Variants in PLCD3 observed in about 807,000 individuals in gnomAD.
PLCD3 encodes 1-phosphatidylinositol 4,5-bisphosphate phosphodiesterase delta-3.
In PLCD3, 62 loss-of-function variants were observed where a neutral mutation model predicts 82.8. The observed-to-expected ratio is 0.75, with a 90% CI of 0.61 to 0.93. The LOEUF (loss-of-function observed/expected upper bound fraction) is 0.93, where lower values mean the gene tolerates loss of function less well. Among genes scored for constraint, PLCD3 ranks in the 40% least tolerant of loss-of-function variants. The pLI is 0.00. For synonymous variants in PLCD3, 478 were observed against 471.8 expected (o/e 1.01, Z -0.17); for missense variants, 1,023 against 1,103.4 (o/e 0.93, Z 1.03).
At chr17:45,120,720 T>G (rs959237050) in intron 3 of PLCD3, among the ~76,000 whole-genome samples, 182 bp downstream of exon 3, 1 of 152,104 alleles carries the variant, frequency 6.6e-6, no homozygotes, top group Non-Finnish European at 1.5e-5. Flanking sequence ...GGTGGGAGCT[T>G]GGGCCTAGCC....
Position 45,132,491 on chromosome 17 carries a change from G to A in PLCD3, c.-81C>T. Reference sequence around the variant, plus strand: ...GGGGCGCCGCTCTGGCCCGGCCCCGGCTCTGAGCGAGGCGGCGAGCGAAGA... The same window carrying A: ...GGGGCGCCGCTCTGGCCCGGCCCCGACTCTGAGCGAGGCGGCGAGCGAAGA... On this transcript the variant is annotated 5_prime_UTR_variant, in exon 1 of 15. Transcript: ENST00000619929. The surrounding 1 kb of genome is among the most constrained non-coding windows in gnomAD (Gnocchi z 4.6). The A allele has an allele frequency of 2.1e-6, 2 of 930,944 alleles. No homozygotes were observed. The highest frequency in any genetic ancestry group is 3.5e-5 in the African/African-American group (2 of 57,084). 57.7% of individuals were successfully genotyped at this position (930,944 alleles called of 1,614,324 possible).
chr17:45,119,139 G>A, intron 4 of PLCD3, 96 bp from the exon 5 acceptor site: 2 of 917,472 alleles, frequency 2.2e-6, no homozygotes, highest in South Asian at 1.7e-5. Flanking sequence ...AGAAGGCAAT[G>A]GTCCCCATTT....
chr17:45,125,512 C>T (rs1257952189), intron 1 of PLCD3, among the ~76,000 whole-genome samples: 1 of 152,236 alleles, frequency 6.6e-6, no homozygotes, highest in Non-Finnish European at 1.5e-5. Context: ...CAGGAGAATG[C>T]TTGAACCCGG....
At chr17:45,123,234 C>T (rs1399443990) in intron 1 of PLCD3, among the ~76,000 whole-genome samples, 1 of 152,182 alleles carries the variant, frequency 6.6e-6, no homozygotes, top group African/African-American at 2.4e-5. Flanking sequence ...CCTTCTCTTC[C>T]TCCTATCTGA....
chr17:45,118,539 A>G lies in PLCD3; in HGVS notation c.914-47T>C, dbSNP rs1464085291. 1.9e-6 allele frequency: 3 copies of G among 1,601,576 alleles called. No homozygotes were observed. The highest frequency in any genetic ancestry group is 1.1e-5 in the South Asian group (1 of 90,016). On this transcript the variant is annotated intron_variant, in intron 5 of 14. Transcript: ENST00000619929. The surrounding 1 kb of genome is among the most constrained non-coding windows in gnomAD (Gnocchi z 4.1). ...GCATCAGGCCACATAGGGATCCCCC[A>G]TGTCCAGCTTCCAATGCCCCCAAGG...
intron 1 of PLCD3, among the ~76,000 whole-genome samples, chr17:45,127,817 A>AGTGTGTGT (rs10665297): frequency 3.3e-5 from 5 of 150,872 alleles, no homozygotes; most frequent in Non-Finnish European, 7.4e-5. Flanking sequence ...TGTGCGTGTG[A>AGTGTGTGT]GTGTGTGTGT....
chr17:45,118,042 C>T lies in PLCD3; in HGVS notation c.1212G>A (p.Lys404=). 6.2e-7 allele frequency: 1 copy of T among 1,613,764 alleles called. No homozygotes were observed. The highest frequency in any genetic ancestry group is 8.5e-7 in the Non-Finnish European group (1 of 1,179,822). ...CTTGGACCACGTCCCGGAAGAGAAT[C>T]TTGGAGGTGAGGGTATGGCCATGAT... is the stretch of plus-strand genomic sequence containing the variant. The part of the protein sequence containing the change: ...VIYHGHTLTS[K]ILFRDVVQAV... Residue 404 remains lysine, a synonymous_variant, in exon 7 of 15, where the codon AAG becomes AAA. Coordinates refer to ENST00000619929, the MANE Select transcript of PLCD3 (RefSeq NM_133373.5). The surrounding 1 kb of genome is among the most constrained non-coding windows in gnomAD (Gnocchi z 4.1).
At chr17:45,129,780 A>AG (rs1259036603) in intron 1 of PLCD3, among the ~76,000 whole-genome samples, 14 of 152,082 alleles carry the variant, frequency 9.2e-5, no homozygotes, top group Admixed American at 9.2e-4. Flanking sequence ...GGGGGACTGG[A>AG]GGGGGGACAA....
At chr17:45,117,352 C>T (rs1161025992) in intron 7 of PLCD3, among the ~76,000 whole-genome samples, 1 of 152,106 alleles carries the variant, frequency 6.6e-6, no homozygotes, top group Admixed American at 6.5e-5. Flanking sequence ...CTCAAGTGAT[C>T]CCCCCACCTC....
chr17:45,124,182 G>A (rs1478829093), intron 1 of PLCD3, among the ~76,000 whole-genome samples: 1 of 152,210 alleles, frequency 6.6e-6, no homozygotes, highest in Non-Finnish European at 1.5e-5. Context: ...ATGGGTGTGG[G>A]GGAGATGAGT....
intron 1 of PLCD3, among the ~76,000 whole-genome samples, chr17:45,127,139 A>G (rs1359465926): frequency 1.3e-5 from 2 of 152,216 alleles, no homozygotes; most frequent in African/African-American, 2.4e-5. Context: ...GGTGCTCAGT[A>G]AATGATCACA....
intron 11 of PLCD3, 86 bp from the exon 12 acceptor site, chr17:45,113,691 A>C (rs1490448383): frequency 8.9e-6 from 13 of 1,460,560 alleles, no homozygotes; most frequent in Non-Finnish European, 1.2e-5. Flanking sequence ...CCTCTCTACA[A>C]AGGGCCTGGG....
Position 45,120,366 on chromosome 17 carries a change from T to A in PLCD3, c.643A>T (p.Asn215Tyr). Residue 215 changes from asparagine to tyrosine, a missense_variant, in exon 4 of 15, where the codon AAC becomes TAC. Coordinates refer to ENST00000619929, the MANE Select transcript of PLCD3 (RefSeq NM_133373.5). The stretch of plus-strand genomic sequence containing the variant: ...GCGTACATGTCGTTCATGTCCACGT[T>A]GACCATTCTCAGCAGGCTCTTGATC... ...KEIKSLLRMV[N>Y]VDMNDMYAYL... 6.2e-7 allele frequency: 1 copy of A among 1,614,018 alleles called. No homozygotes were observed. The highest frequency in any genetic ancestry group is 1.1e-5 in the South Asian group (1 of 91,088).
In PLCD3 at chr17:45,118,855, G is replaced by A. The variant is rs776787815; in HGVS notation, c.873C>T (p.Arg291=). Residue 291 remains arginine (R), a synonymous_variant, in exon 5 of 15, where the codon CGC becomes CGT. Coordinates refer to ENST00000619929, the MANE Select transcript of PLCD3 (RefSeq NM_133373.5). The surrounding 1 kb of genome is among the most constrained non-coding windows in gnomAD (Gnocchi z 4.1). ...DQGEEGATLA[R]AQQLIQTYEL... ...CATAGGTCTGAATGAGCTGCTGGGC[G>A]CGGGCCAGTGTGGCGCCCTCCTCGC... 25 of 1,611,470 alleles carry A rather than the reference G, an allele frequency of 1.6e-5. No individual in the cohort carries two copies. Among genetic ancestry groups the A allele is most frequent in the Admixed American group, 1.3e-4 (8 of 59,988 alleles).
chr17:45,113,480 G>A lies in PLCD3; in HGVS notation c.1954C>T (p.Pro652Ser). The A allele has an allele frequency of 1.3e-6, 2 of 1,594,932 alleles. No individual in the cohort carries two copies. The highest frequency in any genetic ancestry group is 1.7e-6 in the Non-Finnish European group (2 of 1,170,968). Reference sequence around the variant, plus strand: ...GTTCTGGGAGGTCCTGGGTACTCGGGGTCAAAGGTCGAGTCAGGTTGCCGC... The same window carrying A: ...GTTCTGGGAGGTCCTGGGTACTCGGAGTCAAAGGTCGAGTCAGGTTGCCGC... ...CLRQPDSTFD[P>S]EYPGPPRTTL... Residue 652 changes from proline to serine, a missense_variant, in exon 12 of 15, where the codon CCC (proline) becomes TCC (serine). Around this residue, in one of 3 missense-constraint regions of PLCD3, gnomAD observed 553 missense variants for 655.7 expected, o/e 0.84. Transcript: ENST00000619929.
chr17:45,121,362 C>G lies in PLCD3; in HGVS notation c.174G>C (p.Glu58Asp). The G allele has an allele frequency of 6.6e-7, 1 of 1,525,482 alleles. No homozygotes were observed. Among genetic ancestry groups the G allele is most frequent in the Non-Finnish European group, 8.7e-7 (1 of 1,143,358 alleles). 94.5% of individuals were successfully genotyped at this position (1,525,482 alleles called of 1,614,324 possible). ...LRALKKMGLTEDEDVRAMLRG... is the reference protein window; with the variant it reads ...LRALKKMGLTDDEDVRAMLRG... ...GCAGCATGGCGCGCACGTCCTCGTC[C>G]TCCGTCAGGCCTGGCGGGGCGGGAG... Residue 58 changes from glutamate to aspartate, a missense_variant, in exon 2 of 15, where the codon GAG (glutamate) becomes GAC (aspartate). This residue lies in a region of PLCD3 where 448 missense variants were observed against 406.3 expected (regional missense o/e 1.10). Coordinates refer to ENST00000619929, the MANE Select transcript of PLCD3 (RefSeq NM_133373.5).
At chr17:45,127,007 C>G (rs529533068) in intron 1 of PLCD3, among the ~76,000 whole-genome samples, 191 of 152,306 alleles carry the variant, frequency 1.3e-3, no homozygotes, top group African/African-American at 4.2e-3. Flanking sequence ...AAGCAGACAG[C>G]CAGGTCGGCA....
In PLCD3 at chr17:45,122,701, C is replaced by T. The variant is rs1321402891; in HGVS notation, c.164-1329G>A. ...ATCCAAAATTCAGAGGTTTCTACAG[C>T]GTGACCGACACTGTGCCCCGGAGAG... On this transcript the variant is annotated intron_variant, in intron 1 of 14. Transcript: ENST00000619929. Among the ~76,000 whole-genome samples the T allele has an allele frequency of 4.6e-5, 7 of 152,216 alleles. No individual in the cohort carries two copies. The East Asian group carries it at 9.6e-4, about 21-fold the overall frequency.
intron 3 of PLCD3, 50 bp downstream of exon 3, chr17:45,120,852 G>A (rs1310072677): frequency 7.1e-7 from 1 of 1,409,114 alleles, no homozygotes; most frequent in South Asian, 1.5e-5. Flanking sequence ...GCTCTCCAAG[G>A]TTAGGGCTCT....
Sources: gnomAD v4.1 joint callset for allele counts (sites outside exome capture counted in the v4.1 genomes callset) on GRCh38, gnomAD v4.1.1 for gene constraint, gnomAD v4.1.1 regional missense constraint, Gnocchi (gnomAD v3.1) non-coding constraint, MANE v1.5 for transcripts, NCBI Gene and HGNC (gene_info 2026-07-23, HGNC 2026-07-21) for gene names.